Variants in CHCHD3 observed in about 807,000 individuals in gnomAD.
CHCHD3 encodes the protein MICOS complex subunit MIC19.
CHCHD3 carries 20 observed loss-of-function variants against 38.2 expected under a neutral mutation model. That is an observed-to-expected ratio of 0.52 (90% CI 0.37 to 0.76). The LOEUF (loss-of-function observed/expected upper bound fraction) is 0.76. Ranked by LOEUF, CHCHD3 falls within the 30% of genes least tolerant of loss-of-function variation. The pLI, the probability that CHCHD3 is intolerant of heterozygous loss-of-function variation, is 0.00. For missense variants in CHCHD3, 245 were observed against 279.2 expected (o/e 0.88, Z 0.87); for synonymous variants, 82 against 100.0 (o/e 0.82, Z 1.07).
At chr7:132,904,791 C>T (rs532459458) in intron 4 of CHCHD3, among the ~76,000 whole-genome samples, 10 of 152,228 alleles carry the variant, frequency 6.6e-5, no homozygotes, top group East Asian at 1.9e-4. Flanking sequence ...CACATGCACA[C>T]GTATGTTTAT....
At chr7:133,021,679 C>T (rs1158830673) in intron 3 of CHCHD3, among the ~76,000 whole-genome samples, 1 of 152,202 alleles carries the variant, frequency 6.6e-6, no homozygotes, top group Non-Finnish European at 1.5e-5. Flanking sequence ...TACTTTTCCT[C>T]ACCACTCACC....
intron 2 of CHCHD3, among the ~76,000 whole-genome samples, chr7:133,064,038 A>G (rs1460129508): frequency 1.3e-5 from 2 of 152,072 alleles, no homozygotes; most frequent in Admixed American, 1.3e-4. Context: ...CACTTTCCAT[A>G]CCTCTTATAC....
At chr7:132,912,333 T>G (rs1457404904) in intron 4 of CHCHD3, among the ~76,000 whole-genome samples, 1 of 152,250 alleles carries the variant, frequency 6.6e-6, no homozygotes, top group Non-Finnish European at 1.5e-5. Flanking sequence ...CCCAAGGTTC[T>G]GATCTGAGAC....
In CHCHD3 at chr7:133,034,329, G is replaced by T. The variant is rs187822122; in HGVS notation, c.170-9702C>A. On this transcript the variant is annotated intron_variant, in intron 2 of 7. Coordinates refer to ENST00000262570, the MANE Select transcript of CHCHD3 (RefSeq NM_017812.4). ...AATTAAGGAAGTGAGGGTATAATAA[G>T]AAATAATTTCTCTATAAACAGCAAA... is the stretch of plus-strand genomic sequence containing the variant. 1.3e-4 allele frequency among the ~76,000 whole-genome samples: 20 copies of T among 152,096 alleles called. No homozygotes were observed. The East Asian group carries it at 3.9e-3, about 29-fold the overall frequency.
chr7:133,058,294 C>T (rs1293207806), intron 2 of CHCHD3, among the ~76,000 whole-genome samples: 1 of 150,454 alleles, frequency 6.6e-6, no homozygotes, highest in Non-Finnish European at 1.5e-5. Context: ...GGCTGGAGTG[C>T]AGGGATGCAA....
chr7:133,012,055 T>A (rs376900405), intron 3 of CHCHD3, among the ~76,000 whole-genome samples: 1 of 152,196 alleles, frequency 6.6e-6, no homozygotes, highest in African/African-American at 2.4e-5. Context: ...CCCTCAACTT[T>A]CTGTTACCCG....
chr7:132,893,703 G>A (rs73162623), intron 4 of CHCHD3, among the ~76,000 whole-genome samples: 80 of 152,260 alleles, frequency 5.3e-4, no homozygotes, highest in Non-Finnish European at 7.2e-4. Context: ...GGTTTCCCAC[G>A]AGCAGTTCCA....
At chr7:132,967,648 A>G (rs1811501372) in intron 4 of CHCHD3, among the ~76,000 whole-genome samples, 1 of 149,514 alleles carries the variant, frequency 6.7e-6, no homozygotes, top group Admixed American at 6.7e-5. Flanking sequence ...TAAATAAATA[A>G]ATAAATAAAT....
intron 4 of CHCHD3, among the ~76,000 whole-genome samples, chr7:132,926,185 G>A (rs150728006): frequency 1.3e-5 from 2 of 152,316 alleles, no homozygotes; most frequent in East Asian, 3.9e-4. Flanking sequence ...AAGCAGTACA[G>A]GCCAAATGAA....
chr7:132,992,512 C>G (rs1380910534), intron 3 of CHCHD3, among the ~76,000 whole-genome samples: 1 of 152,212 alleles, frequency 6.6e-6, no homozygotes, highest in Non-Finnish European at 1.5e-5. Flanking sequence ...GCTGCAATGT[C>G]CAATACAGTC....
chr7:132,825,576 C>G (rs373380923), intron 6 of CHCHD3, among the ~76,000 whole-genome samples: 2 of 152,300 alleles, frequency 1.3e-5, no homozygotes, highest in African/African-American at 4.8e-5. Flanking sequence ...TGGAGAAACA[C>G]TATCAGGAAA....
chr7:132,805,983 G>A (rs1307257169), intron 6 of CHCHD3, among the ~76,000 whole-genome samples: 2 of 152,176 alleles, frequency 1.3e-5, no homozygotes, highest in Non-Finnish European at 2.9e-5. Flanking sequence ...ATGATGGCAG[G>A]GCTACAGCTG....
intron 4 of CHCHD3, among the ~76,000 whole-genome samples, chr7:132,899,861 TACC>T (rs1381954115): frequency 6.6e-6 from 1 of 152,236 alleles, no homozygotes; most frequent in Non-Finnish European, 1.5e-5. Context: ...GCGTTACATT[TACC>T]ACAACATTTC....
At chr7:132,864,591 T>C (rs1808571111) in intron 5 of CHCHD3, among the ~76,000 whole-genome samples, 1 of 152,206 alleles carries the variant, frequency 6.6e-6, no homozygotes, top group Non-Finnish European at 1.5e-5. Context: ...TTTAAATTTG[T>C]ATTTTTTTAA....
intron 3 of CHCHD3, among the ~76,000 whole-genome samples, chr7:132,999,368 G>A (rs1424284904): frequency 3.3e-5 from 5 of 152,174 alleles, no homozygotes; most frequent in East Asian, 1.9e-4. Context: ...TAACGATACT[G>A]TTAAGCATTT....
chr7:133,036,076 C>T (rs920438699), intron 2 of CHCHD3: 4 of 692,092 alleles, frequency 5.8e-6, no homozygotes, highest in South Asian at 3.4e-5. Context: ...TAAAATAATT[C>T]GCTAGGCAAT....
Position 132,963,407 on chromosome 7 carries a change from G to A in CHCHD3, c.369+11762C>T, listed in dbSNP as rs1372437874. 4.1e-5 allele frequency among the ~76,000 whole-genome samples: 6 copies of A among 147,200 alleles called. No individual in the cohort carries two copies. The East Asian group carries it at 5.9e-4, about 15-fold the overall frequency. On this transcript the variant is annotated intron_variant, in intron 4 of 7. Transcript: ENST00000262570. ...AGCACTTTGGGAGGCCAAGGCGGGC[G>A]GATCACGAGGTCGGGAGATCGAGAC...
intron 3 of CHCHD3, among the ~76,000 whole-genome samples, chr7:133,000,508 A>C (rs72607796): frequency 0.075 from 11,380 of 151,532 alleles, 949 homozygotes; most frequent in East Asian, 0.21. Flanking sequence ...CAAGGACACA[A>C]AAAAAAAATT....
chr7:132,871,931 G>T (rs1438328135), intron 5 of CHCHD3, among the ~76,000 whole-genome samples: 1 of 152,194 alleles, frequency 6.6e-6, no homozygotes, highest in African/African-American at 2.4e-5. Flanking sequence ...CAAAAATAAA[G>T]TTGGGGAAAA....
Sources: allele counts gnomAD v4.1 joint callset (sites outside exome capture counted in the v4.1 genomes callset), GRCh38; gene constraint gnomAD v4.1.1; transcripts MANE v1.5; gene names NCBI Gene and HGNC (gene_info 2026-07-23, HGNC 2026-07-21).